The following DGKB variants were observed in gnomAD, a reference collection of about 807,000 sequenced individuals.
The protein encoded by DGKB is diacylglycerol kinase beta.
DGKB carries 67 observed loss-of-function variants against 114.3 expected under a neutral mutation model. That is an observed-to-expected ratio of 0.59 (90% CI 0.48 to 0.72). The LOEUF (loss-of-function observed/expected upper bound fraction) is 0.72, where lower values mean the gene tolerates loss of function less well. Ranked by LOEUF, DGKB falls within the 30% of genes least tolerant of loss-of-function variation. The pLI is 0.00. For synonymous variants in DGKB, 398 were observed against 323.1 expected (o/e 1.23, Z -2.49); for missense variants, 907 against 975.2 (o/e 0.93, Z 0.93).
intron 20 of DGKB, among the ~76,000 whole-genome samples, chr7:14,507,579 G>A (rs537070179): frequency 5.3e-5 from 8 of 152,256 alleles, no homozygotes; most frequent in South Asian, 2.1e-4. Context: ...TTTTACTGCT[G>A]TTAGGAGGTA....
chr7:14,931,275 C>G lies in DGKB; in HGVS notation c.-188+43421G>C, dbSNP rs1162192097. On this transcript the variant is annotated intron_variant, in intron 1 of 4. Coordinates refer to the DGKB transcript ENST00000437998. ...TACAGGCGTGCGCCTCCAAGCCCAG[C>G]TAATTTTTGTATTTTTAGTAGAGAA... Among the ~76,000 whole-genome samples, 3 of 152,130 alleles carry G rather than the reference C, an allele frequency of 2.0e-5. No homozygotes were observed. In the East Asian group the frequency reaches 5.8e-4, roughly 29 times the overall value.
rs755842017 is a variant in DGKB at position 14,146,672 on chromosome 7, G to A, written c.*2459C>T. 3 of 152,152 alleles carry A rather than the reference G, an allele frequency of 2.0e-5. No homozygotes were observed. Among genetic ancestry groups the A allele is most frequent in the Non-Finnish European group, 2.9e-5 (2 of 68,006 alleles). 9.4% of individuals were successfully genotyped at this position (152,152 alleles called of 1,614,324 possible). On this transcript the variant is annotated 3_prime_UTR_variant, in exon 26 of 26. Transcript: ENST00000402815. ...TCCAAACCCCAGGGGCAGTATACTTGAAGGGGCAAGTACATCAGTGTATTT... is the reference window on the plus strand; with the variant it reads ...TCCAAACCCCAGGGGCAGTATACTTAAAGGGGCAAGTACATCAGTGTATTT...
intron 13 of DGKB, among the ~76,000 whole-genome samples, chr7:14,633,662 A>G (rs1810182690): frequency 6.6e-6 from 1 of 151,832 alleles, no homozygotes; most frequent in Admixed American, 6.6e-5. Context: ...TTTTTTGAAA[A>G]TCATCATGAG....
In DGKB at chr7:14,391,558, G is replaced by A. The variant is rs543127033; in HGVS notation, c.1836-46167C>T. Among the ~76,000 whole-genome samples the A allele has an allele frequency of 2.8e-3, 428 of 152,002 alleles. 1 individual carries two copies. Among genetic ancestry groups the A allele is most frequent in the Middle Eastern group, 0.014 (4 of 294 alleles). ...AAGGAAAAATTAGCCCGGTGTGGTG[G>A]CAGATGCCTATAGTCCCATAGTCCC... On this transcript the variant is annotated intron_variant, in intron 21 of 25. Coordinates refer to ENST00000402815, the MANE Select transcript of DGKB (RefSeq NM_001350709.2).
chr7:14,410,734 T>C (rs1355009292), intron 21 of DGKB, among the ~76,000 whole-genome samples: 1 of 152,048 alleles, frequency 6.6e-6, no homozygotes, highest in Non-Finnish European at 1.5e-5. Context: ...TACATAAATA[T>C]CTTTAAGATA....
intron 21 of DGKB, among the ~76,000 whole-genome samples, chr7:14,358,461 G>A (rs6977358): frequency 0.79 from 120,593 of 152,028 alleles, 49,036 homozygotes; most frequent in African/African-American, 0.94. Context: ...AGTCTTCTCT[G>A]CATTGCTTAT....
At chr7:14,861,470 C>T (rs1307372123) in intron 1 of DGKB, among the ~76,000 whole-genome samples, 3 of 151,582 alleles carry the variant, frequency 2.0e-5, no homozygotes, top group Non-Finnish European at 2.9e-5. Context: ...TTGTGAAATA[C>T]ATTGTACATA....
At chr7:14,748,771 A>G (rs1429647764) in intron 4 of DGKB, among the ~76,000 whole-genome samples, 2 of 152,220 alleles carry the variant, frequency 1.3e-5, no homozygotes, top group African/African-American at 4.8e-5. Flanking sequence ...CAGACAAAAG[A>G]TAGCCTATCA....
chr7:14,493,876 C>G (rs977379325), intron 20 of DGKB, among the ~76,000 whole-genome samples: 12 of 151,478 alleles, frequency 7.9e-5, no homozygotes, highest in Non-Finnish European at 1.6e-4. Flanking sequence ...ATGTAAACTT[C>G]TCACATATAA....
At chr7:14,879,039 A>G (rs1209929708) in intron 1 of DGKB, among the ~76,000 whole-genome samples, 1 of 151,922 alleles carries the variant, frequency 6.6e-6, no homozygotes, top group Non-Finnish European at 1.5e-5. Flanking sequence ...CTTTTATGTT[A>G]TAGTAAATTA....
intron 23 of DGKB, among the ~76,000 whole-genome samples, chr7:14,232,602 A>AAAC (rs1201332442): frequency 6.6e-6 from 1 of 151,980 alleles, no homozygotes; most frequent in African/African-American, 2.4e-5. Context: ...ATTCCATCTT[A>AAAC]AACTACCTAG....
intron 21 of DGKB, among the ~76,000 whole-genome samples, chr7:14,439,937 C>A (rs1319756729): frequency 2.7e-5 from 4 of 150,394 alleles, no homozygotes; most frequent in Non-Finnish European, 5.9e-5. Context: ...ATTGTCACTA[C>A]AACAGTTACT....
chr7:14,846,717 G>C (rs1848669372), intron 1 of DGKB, among the ~76,000 whole-genome samples: 1 of 152,194 alleles, frequency 6.6e-6, no homozygotes, highest in South Asian at 2.1e-4. Context: ...TTCTCTTCTA[G>C]TCAGTGGATG....
At chr7:14,346,006 AT>A (rs1157333853) in intron 21 of DGKB, among the ~76,000 whole-genome samples, 3 of 151,274 alleles carry the variant, frequency 2.0e-5, no homozygotes, top group Non-Finnish European at 4.4e-5. Context: ...TGGATTTGAA[AT>A]TTTATTCTTG....
intron 21 of DGKB, among the ~76,000 whole-genome samples, chr7:14,370,947 T>C (rs1817527652): frequency 6.6e-6 from 1 of 152,136 alleles, no homozygotes; most frequent in African/African-American, 2.4e-5. Flanking sequence ...TTAATTTAGT[T>C]AGGACAATGA....
At chr7:14,891,074 T>G (rs966136845) in intron 1 of DGKB, among the ~76,000 whole-genome samples, 2 of 151,416 alleles carry the variant, frequency 1.3e-5, no homozygotes, top group African/African-American at 2.4e-5. Flanking sequence ...TACAGGTACT[T>G]GTTCAGCATC....
At chr7:14,392,114 T>G (rs1821415509) in intron 21 of DGKB, among the ~76,000 whole-genome samples, 1 of 152,154 alleles carries the variant, frequency 6.6e-6, no homozygotes, top group Non-Finnish European at 1.5e-5. Flanking sequence ...CCAAAATGTA[T>G]CTATCTCTTA....
intron 17 of DGKB, among the ~76,000 whole-genome samples, chr7:14,590,083 C>T (rs970617275): frequency 4.0e-5 from 6 of 151,312 alleles, no homozygotes; most frequent in Middle Eastern, 3.4e-3. Flanking sequence ...GTGGGTGCAG[C>T]GCACCAGCAT....
chr7:14,414,084 T>A (rs1041699455), intron 21 of DGKB, among the ~76,000 whole-genome samples: 2 of 152,096 alleles, frequency 1.3e-5, no homozygotes, highest in Non-Finnish European at 2.9e-5. Context: ...AAAAGAAATA[T>A]TAAATAGATT....
Sources: allele counts gnomAD v4.1 joint callset (sites outside exome capture counted in the v4.1 genomes callset), GRCh38; gene constraint gnomAD v4.1.1; transcripts MANE v1.5; gene names NCBI Gene and HGNC (gene_info 2026-07-23, HGNC 2026-07-21).